Variants in ZCWPW2 observed in about 807,000 individuals in gnomAD.
The protein encoded by ZCWPW2 is zinc finger CW-type PWWP domain protein 2.
A neutral mutation model predicts 46.6 loss-of-function variants in ZCWPW2; 45 were observed. The ratio of observed to expected loss-of-function variants is 0.96; its 90% CI spans 0.76 to 1.24. The LOEUF (loss-of-function observed/expected upper bound fraction) is 1.24. Among genes scored for constraint, ZCWPW2 ranks in the 50% most tolerant of loss-of-function variants. ZCWPW2 has a pLI of 0.00. For synonymous variants in ZCWPW2, 152 were observed against 137.1 expected (o/e 1.11, Z -0.76); for missense variants, 429 against 403.9 (o/e 1.06, Z -0.53).
At chr3:28,488,922 T>C (rs753088026) in intron 5 of ZCWPW2, among the ~76,000 whole-genome samples, 13 of 152,218 alleles carry the variant, frequency 8.5e-5, no homozygotes, top group Admixed American at 6.6e-5. Context: ...CTACTGTTAT[T>C]ATTAGTAAAG....
At chr3:28,352,130 A>ACG (rs769436037) in intron 1 of ZCWPW2, among the ~76,000 whole-genome samples, 3 of 125,814 alleles carry the variant, frequency 2.4e-5, no homozygotes, top group Non-Finnish European at 5.1e-5. Context: ...ATGTATGCAC[A>ACG]CACACACACA....
chr3:28,442,686 G>C (rs1416209772), intron 4 of ZCWPW2, among the ~76,000 whole-genome samples: 2 of 152,214 alleles, frequency 1.3e-5, no homozygotes, highest in Non-Finnish European at 1.5e-5. Flanking sequence ...GTGTTAATTT[G>C]CTCAAGCAAT....
intron 3 of ZCWPW2, among the ~76,000 whole-genome samples, chr3:28,430,501 A>G (rs528156291): frequency 6.6e-6 from 1 of 152,330 alleles, no homozygotes; most frequent in East Asian, 1.9e-4. Flanking sequence ...TGGACTTGGA[A>G]TTTTGGGTTA....
chr3:28,498,805 C>G (rs998551896), intron 6 of ZCWPW2, among the ~76,000 whole-genome samples: 1 of 151,990 alleles, frequency 6.6e-6, no homozygotes, highest in Non-Finnish European at 1.5e-5. Flanking sequence ...CCCTAGCCAG[C>G]CACCCCCCAA....
chr3:28,384,923 C>A (rs1341918421), intron 1 of ZCWPW2, among the ~76,000 whole-genome samples: 3 of 152,118 alleles, frequency 2.0e-5, no homozygotes, highest in African/African-American at 7.2e-5. Flanking sequence ...GCCAGCCAAT[C>A]TTTCTTTTAT....
rs3068920 is a variant in ZCWPW2 at position 28,357,797 on chromosome 3, T to TTATATATATA, written c.-134+8608_-134+8617dup. ...ACATATAATATATAGTTGGTATATT[T>TTATATATATA]TATATATATATATATATATATATCT... On this transcript the variant is annotated intron_variant, in intron 1 of 9. Coordinates refer to ENST00000383768, the MANE Select transcript of ZCWPW2 (RefSeq NM_001040432.4). 9.3e-3 allele frequency among the ~76,000 whole-genome samples: 1,308 copies of TTATATATATA among 140,336 alleles called. 21 individuals are homozygous for TTATATATATA. The highest frequency in any genetic ancestry group is 0.031 in the African/African-American group (1,152 of 37,628). The allele number at this position is 140,336 out of a possible 152,430, so 92.1% of individuals were successfully genotyped here. A position where few individuals can be genotyped will look rare whatever the true frequency, so the allele number is the denominator to read the frequency against.
chr3:28,481,027 G>A (rs576748444), intron 5 of ZCWPW2, among the ~76,000 whole-genome samples: 16 of 151,506 alleles, frequency 1.1e-4, no homozygotes, highest in African/African-American at 3.4e-4. Flanking sequence ...CACCATACCC[G>A]GATAATTTTT....
chr3:28,449,550 G>A (rs1698142812), intron 4 of ZCWPW2, among the ~76,000 whole-genome samples: 1 of 152,126 alleles, frequency 6.6e-6, no homozygotes, highest in Non-Finnish European at 1.5e-5. Flanking sequence ...ATTGTTTAAT[G>A]GACACAGAAT....
At chr3:28,515,864 A>C (rs1575229862) in intron 8 of ZCWPW2, among the ~76,000 whole-genome samples, 2 of 152,104 alleles carry the variant, frequency 1.3e-5, no homozygotes, top group African/African-American at 4.8e-5. Context: ...ACTGATTTAC[A>C]TACCAGGGCT....
chr3:28,369,758 G>A (rs1705246271), intron 1 of ZCWPW2, among the ~76,000 whole-genome samples: 1 of 152,216 alleles, frequency 6.6e-6, no homozygotes. Context: ...CGCAGAGGTG[G>A]AGTCTACAGA....
At chr3:28,424,119 T>G (rs538625765) in intron 3 of ZCWPW2, among the ~76,000 whole-genome samples, 2 of 152,148 alleles carry the variant, frequency 1.3e-5, no homozygotes, top group East Asian at 3.9e-4. Flanking sequence ...CTAACATTCT[T>G]AAAGCTGTAT....
At chr3:28,451,983 G>C (rs12493720) in intron 4 of ZCWPW2, among the ~76,000 whole-genome samples, 1 of 152,042 alleles carries the variant, frequency 6.6e-6, no homozygotes, top group Non-Finnish European at 1.5e-5. Flanking sequence ...GTGATTATTA[G>C]ATTCAACCTT....
intron 2 of ZCWPW2, among the ~76,000 whole-genome samples, chr3:28,412,075 T>C (rs1696422518): frequency 6.6e-6 from 1 of 152,014 alleles, no homozygotes. Context: ...CTTCTAAATA[T>C]ATGATTAACT....
intron 1 of ZCWPW2, among the ~76,000 whole-genome samples, chr3:28,370,775 C>G (rs1025100580): frequency 4.6e-5 from 7 of 152,114 alleles, no homozygotes; most frequent in African/African-American, 1.7e-4. Context: ...TCTTGTTGCC[C>G]AGGCTGGAGT....
At chr3:28,353,325 AT>A (rs1704622970) in intron 1 of ZCWPW2, among the ~76,000 whole-genome samples, 1 of 152,070 alleles carries the variant, frequency 6.6e-6, no homozygotes, top group Non-Finnish European at 1.5e-5. Context: ...TACTTTTTTT[AT>A]TGTAGGGAAG....
intron 3 of ZCWPW2, among the ~76,000 whole-genome samples, chr3:28,422,736 G>T (rs1340452333): frequency 1.3e-5 from 2 of 151,990 alleles, no homozygotes; most frequent in Non-Finnish European, 2.9e-5. Context: ...AAATACCAAG[G>T]ACTGCAATTG....
At chr3:28,467,225 G>A (rs147374845) in intron 4 of ZCWPW2, among the ~76,000 whole-genome samples, 1 of 151,962 alleles carries the variant, frequency 6.6e-6, no homozygotes, top group East Asian at 1.9e-4. Context: ...GTCCAAACTA[G>A]TTCTACAAGG....
At chr3:28,371,969 TTCCTCCTCC>T (rs34265386) in intron 1 of ZCWPW2, among the ~76,000 whole-genome samples, 1 of 150,782 alleles carries the variant, frequency 6.6e-6, no homozygotes, top group Non-Finnish European at 1.5e-5. Flanking sequence ...TCCTTCTTCT[TTCCTCCTCC>T]TCCTCCTCCT....
intron 4 of ZCWPW2, among the ~76,000 whole-genome samples, chr3:28,465,774 T>G (rs929342423): frequency 6.6e-6 from 1 of 151,348 alleles, no homozygotes; most frequent in Non-Finnish European, 1.5e-5. Flanking sequence ...AAAACTATGG[T>G]AAACAAAACT....
Sources: gnomAD v4.1 joint callset for allele counts (sites outside exome capture counted in the v4.1 genomes callset) on GRCh38, gnomAD v4.1.1 for gene constraint, MANE v1.5 for transcripts, NCBI Gene and HGNC (gene_info 2026-07-23, HGNC 2026-07-21) for gene names.